Variants in PPP4R4 observed in about 807,000 individuals in gnomAD.
The protein encoded by PPP4R4 is protein phosphatase 4 regulatory subunit 4.
Under a neutral mutation model 121.8 loss-of-function variants are expected in PPP4R4, and 70 were observed. That is an observed-to-expected ratio of 0.57 (90% CI 0.47 to 0.70). The LOEUF (loss-of-function observed/expected upper bound fraction) is 0.70, where lower values mean the gene tolerates loss of function less well. Among genes scored for constraint, PPP4R4 ranks in the 30% least tolerant of loss-of-function variants. PPP4R4 has a pLI of 0.00. For missense variants in PPP4R4, 875 were observed against 1,033.6 expected (o/e 0.85, Z 2.10); for synonymous variants, 348 against 355.7 (o/e 0.98, Z 0.24).
At chr14:94,247,623 A>T (rs1288504820) in intron 14 of PPP4R4, among the ~76,000 whole-genome samples, 1 of 152,242 alleles carries the variant, frequency 6.6e-6, no homozygotes, top group Non-Finnish European at 1.5e-5. Flanking sequence ...AGAAAACTGC[A>T]AGTCAGTATT....
At chr14:94,261,315 T>C (rs1893772885) in intron 19 of PPP4R4, among the ~76,000 whole-genome samples, 2 of 152,166 alleles carry the variant, frequency 1.3e-5, no homozygotes, top group South Asian at 4.1e-4. Flanking sequence ...ACGTATTTTA[T>C]GTTTTTGGCA....
intron 2 of PPP4R4, 35 bp from the exon 3 acceptor site, chr14:94,208,429 A>G: frequency 1.3e-6 from 2 of 1,484,268 alleles, no homozygotes; most frequent in South Asian, 1.2e-5. Context: ...TTCAGCTTAT[A>G]ATTATAAATT....
chr14:94,230,563 A>G (rs764573321), intron 3 of PPP4R4, 24 bp from the exon 4 acceptor site: 18 of 1,589,920 alleles, frequency 1.1e-5, no homozygotes, highest in Admixed American at 1.0e-4. Flanking sequence ...CTATGTAAAT[A>G]GCAAACTCTT....
Position 94,275,405 on chromosome 14 carries a change from C to A in PPP4R4, c.2481C>A (p.Ser827Arg), listed in dbSNP as rs114442446. 2.5e-6 allele frequency: 4 copies of A among 1,613,948 alleles called. No homozygotes were observed. The Admixed American group carries it at 5.0e-5, about 20-fold the overall frequency. ...CATTCCGGACTCGTAATGCCAGTAGCGTTCCATCTTCCTTTTCTCCTAATA... is the reference window on the plus strand; with the variant it reads ...CATTCCGGACTCGTAATGCCAGTAGAGTTCCATCTTCCTTTTCTCCTAATA... ...DDSFRTRNAS[S>R]VPSSFSPNTP... The change falls in exon 24 of 25, where the codon AGC becomes AGA. Residue 827 changes from serine to arginine, a missense_variant. Physicochemically the swap from Ser to Arg is moderately radical, Grantham distance 110. Coordinates refer to ENST00000304338, the MANE Select transcript of PPP4R4 (RefSeq NM_058237.2).
intron 8 of PPP4R4, among the ~76,000 whole-genome samples, chr14:94,240,339 T>C (rs1055293160): frequency 6.6e-6 from 1 of 152,216 alleles, no homozygotes; most frequent in African/African-American, 2.4e-5. Flanking sequence ...TATCTATTTA[T>C]GTTAATGGTG....
intron 8 of PPP4R4, among the ~76,000 whole-genome samples, chr14:94,240,216 T>C (rs374640005): frequency 6.6e-6 from 1 of 152,206 alleles, no homozygotes; most frequent in South Asian, 2.1e-4. Context: ...ATAGAACATA[T>C]TATAAGCTAA....
intron 2 of PPP4R4, among the ~76,000 whole-genome samples, chr14:94,195,996 G>A (rs1595460716): frequency 6.6e-6 from 1 of 151,804 alleles, no homozygotes; most frequent in East Asian, 1.9e-4. Flanking sequence ...TCTTATTGCT[G>A]TGAAAGTCTA....
chr14:94,196,933 G>A (rs539196627), intron 2 of PPP4R4, among the ~76,000 whole-genome samples: 10 of 152,110 alleles, frequency 6.6e-5, no homozygotes, highest in East Asian at 3.9e-4. Context: ...TTAACTATCC[G>A]TGTAATTTAA....
chr14:94,257,129 A>G (rs1027300226), intron 17 of PPP4R4, among the ~76,000 whole-genome samples: 1 of 152,050 alleles, frequency 6.6e-6, no homozygotes, highest in Non-Finnish European at 1.5e-5. Context: ...TCCTGAGTGC[A>G]TTTCTTTGTA....
intron 2 of PPP4R4, among the ~76,000 whole-genome samples, chr14:94,182,090 C>T (rs182909306): frequency 1.4e-4 from 21 of 152,222 alleles, no homozygotes; most frequent in East Asian, 1.2e-3. Flanking sequence ...GAGATACATA[C>T]CATCTCCTTT....
intron 8 of PPP4R4, among the ~76,000 whole-genome samples, chr14:94,238,013 C>T (rs924709136): frequency 7.9e-5 from 12 of 152,328 alleles, no homozygotes; most frequent in Non-Finnish European, 7.3e-5. Context: ...CTCATGCCAC[C>T]TCGTAATCTG....
At chr14:94,182,508 T>G (rs1461129502) in intron 2 of PPP4R4, among the ~76,000 whole-genome samples, 1 of 152,220 alleles carries the variant, frequency 6.6e-6, no homozygotes, top group Admixed American at 6.5e-5. Flanking sequence ...TTGCACTTTA[T>G]ATAGTAGGAA....
At chr14:94,256,059 A>G (rs535946363) in intron 16 of PPP4R4, among the ~76,000 whole-genome samples, 32 of 152,310 alleles carry the variant, frequency 2.1e-4, no homozygotes, top group African/African-American at 7.5e-4. Context: ...GTCTTTGCTT[A>G]AATATCATCT....
At chr14:94,227,098 CT>C in intron 3 of PPP4R4, among the ~76,000 whole-genome samples, 1 of 152,332 alleles carries the variant, frequency 6.6e-6, no homozygotes, top group East Asian at 1.9e-4. Flanking sequence ...GTCTACTGCA[CT>C]TTCCTTCCTT....
intron 2 of PPP4R4, among the ~76,000 whole-genome samples, chr14:94,195,785 C>T (rs892561204): frequency 1.3e-5 from 2 of 152,062 alleles, no homozygotes; most frequent in Non-Finnish European, 2.9e-5. Context: ...TCATAATACC[C>T]AATGTACTAC....
chr14:94,245,619 A>T lies in PPP4R4; in HGVS notation c.1377A>T (p.Glu459Asp). 1.9e-6 allele frequency: 3 copies of T among 1,598,974 alleles called. No individual in the cohort carries two copies. Among genetic ancestry groups the T allele is most frequent in the Non-Finnish European group, 2.6e-6 (3 of 1,168,356 alleles). ...VLDALIDHLP[E>D]ILELMSTGGE... is the part of the protein sequence containing the mutation. ...ATGCTCTTATAGATCATCTTCCAGA[A>T]ATCTTGGAACTTATGTCTACTGGTG... Residue 459 changes from glutamate (E) to aspartate (D), a missense_variant, in exon 13 of 25, where the codon GAA (glutamate) becomes GAT (aspartate). Coordinates refer to ENST00000304338, the MANE Select transcript of PPP4R4 (RefSeq NM_058237.2).
intron 3 of PPP4R4, among the ~76,000 whole-genome samples, chr14:94,228,085 A>T (rs1394831955): frequency 6.6e-6 from 1 of 152,124 alleles, no homozygotes; most frequent in Non-Finnish European, 1.5e-5. Context: ...ATGTAAAATA[A>T]TGTTTTTGTG....
At chr14:94,180,943 G>A (rs966681220) in intron 2 of PPP4R4, among the ~76,000 whole-genome samples, 2 of 152,064 alleles carry the variant, frequency 1.3e-5, no homozygotes, top group African/African-American at 4.8e-5. Flanking sequence ...GAGAACTCTG[G>A]CGTACTTCTT....
At chr14:94,207,085 A>T (rs536522328) in intron 2 of PPP4R4, among the ~76,000 whole-genome samples, 1 of 152,030 alleles carries the variant, frequency 6.6e-6, no homozygotes, top group Non-Finnish European at 1.5e-5. Flanking sequence ...TAGGGCCTAG[A>T]TAGTTTGGAT....
Sources: gnomAD v4.1 joint callset for allele counts (sites outside exome capture counted in the v4.1 genomes callset) on GRCh38, gnomAD v4.1.1 for gene constraint, MANE v1.5 for transcripts, NCBI Gene and HGNC (gene_info 2026-07-23, HGNC 2026-07-21) for gene names.